The following SHQ1 variants were observed in gnomAD, a reference collection of about 807,000 sequenced individuals.
SHQ1 encodes SHQ1, H/ACA ribonucleoprotein assembly factor.
Under a neutral mutation model 53.8 loss-of-function variants are expected in SHQ1, and 49 were observed. That is an observed-to-expected ratio of 0.91 (90% CI 0.72 to 1.16). The LOEUF (loss-of-function observed/expected upper bound fraction) is 1.16, where lower values mean the gene tolerates loss of function less well. Ranked by LOEUF, SHQ1 falls within the 50% of genes most tolerant of loss-of-function variation. The pLI, the probability that SHQ1 is intolerant of heterozygous loss-of-function variation, is 0.00. For synonymous variants in SHQ1, 243 were observed against 251.0 expected (o/e 0.97, Z 0.30); for missense variants, 738 against 683.1 (o/e 1.08, Z -0.90).
At chr3:72,843,597 T>C (rs1294518991) in intron 2 of SHQ1, among the ~76,000 whole-genome samples, 8 of 152,264 alleles carry the variant, frequency 5.3e-5, no homozygotes, top group East Asian at 3.8e-4. Flanking sequence ...CCTTAACTCC[T>C]GTGTACTTTA....
rs754882085 is a variant in SHQ1 at position 72,807,241 on chromosome 3, CT to C, written c.1060+5429del. Reference sequence around the variant, plus strand: ...AGTTTCCCTGGCTTATATTTTCACTCTCCATATTTCTCTTTTGAGCTACTTA... The same window carrying C: ...AGTTTCCCTGGCTTATATTTTCACTCCCATATTTCTCTTTTGAGCTACTTA... On this transcript the variant is annotated intron_variant, in intron 9 of 10. Transcript: ENST00000325599. Among the ~76,000 whole-genome samples the C allele has an allele frequency of 5.3e-5, 8 of 152,274 alleles. No individual in the cohort carries two copies. In the South Asian group the frequency reaches 1.7e-3, roughly 32 times the overall value.
intron 10 of SHQ1, among the ~76,000 whole-genome samples, chr3:72,774,027 T>A (rs1000106925): frequency 2.0e-5 from 3 of 152,304 alleles, no homozygotes; most frequent in South Asian, 4.1e-4. Context: ...CAAGAAGATA[T>A]TCCAGGCCAA....
At chr3:72,801,265 T>G (rs932255212) in intron 9 of SHQ1, among the ~76,000 whole-genome samples, 4 of 152,206 alleles carry the variant, frequency 2.6e-5, no homozygotes, top group Non-Finnish European at 5.9e-5. Flanking sequence ...CCCATAGGCA[T>G]AGAAAACTTC....
chr3:72,821,205 T>G (rs1305037155), intron 6 of SHQ1, among the ~76,000 whole-genome samples: 1 of 152,178 alleles, frequency 6.6e-6, no homozygotes, highest in African/African-American at 2.4e-5. Flanking sequence ...GACAGTTATC[T>G]CTACAAACAC....
chr3:72,734,374 GC>G, the SHQ1 span, among the ~76,000 whole-genome samples: 2 of 151,008 alleles, frequency 1.3e-5, no homozygotes, highest in Admixed American at 1.3e-4. Context: ...TCCTGCTTCA[GC>G]CTCCCAAGCA....
In SHQ1 at chr3:72,796,249, G is replaced by T. The variant is rs561236203; in HGVS notation, c.1061-3213C>A. On this transcript the variant is annotated intron_variant, in intron 9 of 10. Transcript: ENST00000325599. ...GAAATCAGACACTAACAAGGAGGAA[G>T]AGAAGAATGCACTTGGACAGACTGA... Among the ~76,000 whole-genome samples, 7 of 152,178 alleles carry T rather than the reference G, an allele frequency of 4.6e-5. No individual in the cohort carries two copies. The East Asian group carries it at 1.4e-3, about 29-fold the overall frequency.
chr3:72,737,416 G>A, the SHQ1 span, among the ~76,000 whole-genome samples: 2 of 152,254 alleles, frequency 1.3e-5, no homozygotes, highest in East Asian at 1.9e-4. Context: ...AAATTTGGAA[G>A]GGGAAAGATG....
At chr3:72,746,119 A>C (rs921104472), downstream of SHQ1, among the ~76,000 whole-genome samples, 7 of 152,212 alleles carry the variant, frequency 4.6e-5, no homozygotes, top group African/African-American at 1.7e-4. Flanking sequence ...CTGAGATTAC[A>C]GACATGAGCC....
At chr3:72,790,865 T>C (rs1308062108) in intron 10 of SHQ1, among the ~76,000 whole-genome samples, 3 of 152,060 alleles carry the variant, frequency 2.0e-5, no homozygotes, top group Non-Finnish European at 4.4e-5. Flanking sequence ...ATTTGAAGAG[T>C]TCCTGCTGGT....
chr3:72,846,097 T>C lies in SHQ1; in HGVS notation c.144-1674A>G, dbSNP rs1205388481. 7.3e-6 allele frequency: 7 copies of C among 955,994 alleles called. No homozygotes were observed. In the Admixed American group the frequency reaches 9.0e-5, roughly 12 times the overall value. 59.2% of individuals were successfully genotyped at this position (955,994 alleles called of 1,614,324 possible). A position where few individuals can be genotyped will look rare whatever the true frequency, so the allele number is the denominator to read the frequency against. Reference sequence around the variant, plus strand: ...TGAAATGATAATGCAAAGAGCTTAGTGGCCGGCACAACAGGTGAGCATTCA... The same window carrying C: ...TGAAATGATAATGCAAAGAGCTTAGCGGCCGGCACAACAGGTGAGCATTCA... On this transcript the variant is annotated intron_variant, in intron 1 of 10. Transcript: ENST00000325599.
At chr3:72,836,215 C>G (rs777445547) in intron 4 of SHQ1, among the ~76,000 whole-genome samples, 2 of 152,168 alleles carry the variant, frequency 1.3e-5, no homozygotes, top group Non-Finnish European at 2.9e-5. Flanking sequence ...CTTGGACAGG[C>G]ATTGTGGCTC....
At chr3:72,746,633 G>A (rs1224754846), downstream of SHQ1, among the ~76,000 whole-genome samples, 2 of 152,206 alleles carry the variant, frequency 1.3e-5, no homozygotes, top group Admixed American at 6.5e-5. Flanking sequence ...GAGCTGCCTG[G>A]CTTTGAGGAT....
At chr3:72,765,557 A>ATATATATATATATATATATATTTT in intron 10 of SHQ1, among the ~76,000 whole-genome samples, 1 of 57,188 alleles carries the variant, frequency 1.7e-5, no homozygotes, top group African/African-American at 7.9e-5. Context: ...ATATATATAT[A>ATATATATATATATATATATATTTT]TTTTTTTTTT....
At chr3:72,792,811 ACAC>A in intron 10 of SHQ1, 102 bp downstream of exon 10, 3 of 710,238 alleles carry the variant, frequency 4.2e-6, no homozygotes, top group South Asian at 1.9e-5. Flanking sequence ...AAAAAAAAAA[ACAC>A]AACTTACTCC....
chr3:72,744,378 T>C (rs1354869695), downstream of SHQ1, among the ~76,000 whole-genome samples: 1 of 152,190 alleles, frequency 6.6e-6, no homozygotes. Flanking sequence ...TTCCCAGAGG[T>C]AAATCCTGTT....
At chr3:72,797,588 G>T (rs1433448922) in intron 9 of SHQ1, among the ~76,000 whole-genome samples, 2 of 152,188 alleles carry the variant, frequency 1.3e-5, no homozygotes, top group African/African-American at 4.8e-5. Context: ...GCAATATTTA[G>T]ATTAATATTT....
At chr3:72,736,710 T>C in the SHQ1 span, among the ~76,000 whole-genome samples, 2,818 of 144,098 alleles carry the variant, frequency 0.02, 106 homozygotes, top group African/African-American at 0.068. Context: ...AGAGAATTGC[T>C]TGAACCCAGG....
At chr3:72,796,867 A>AT (rs1156425308) in intron 9 of SHQ1, among the ~76,000 whole-genome samples, 1 of 147,438 alleles carries the variant, frequency 6.8e-6, no homozygotes, top group Non-Finnish European at 1.5e-5. Context: ...ATGTCAAAAT[A>AT]TTTTTTTAAT....
chr3:72,827,105 C>T (rs1233998146), intron 5 of SHQ1, among the ~76,000 whole-genome samples: 1 of 151,990 alleles, frequency 6.6e-6, no homozygotes, highest in Non-Finnish European at 1.5e-5. Flanking sequence ...ATGAAGAGCT[C>T]GAGGAGTGAA....
Sources: allele counts gnomAD v4.1 joint callset (sites outside exome capture counted in the v4.1 genomes callset), GRCh38; gene constraint gnomAD v4.1.1; transcripts MANE v1.5; gene names NCBI Gene and HGNC (gene_info 2026-07-23, HGNC 2026-07-21).